UBR3: variants seen among roughly 807,000 people sequenced by gnomAD.
The protein encoded by UBR3 is ubiquitin protein ligase E3 component n-recognin 3.
UBR3 carries 85 observed loss-of-function variants against 243.2 expected under a neutral mutation model. That is an observed-to-expected ratio of 0.35 (90% CI 0.29 to 0.42). The LOEUF is 0.42. Ranked by LOEUF, UBR3 falls within the 10% of genes least tolerant of loss-of-function variation. The probability of loss-of-function intolerance (pLI) is 1.00; values close to 1 mark genes in which losing one functional copy is unlikely to be tolerated. For synonymous variants in UBR3, 748 were observed against 799.8 expected (o/e 0.94, Z 1.09); for missense variants, 1,686 against 2,300.8 (o/e 0.73, Z 5.47).
rs777331989 is a variant in UBR3, at chr2:169,947,554, G to A, written c.2923G>A (p.Gly975Arg). The A allele has an allele frequency of 1.1e-5, 16 of 1,491,684 alleles. No individual in the cohort carries two copies. In the Admixed American group the frequency reaches 2.2e-4, roughly 21 times the overall value. The allele number at this position is 1,491,684 out of a possible 1,614,324, so 92.4% of individuals were successfully genotyped here. ...TTTTTTATTTTAGGCATCAGTGGGT[G>A]GACCAGAACGTTGTCATGACAGTTG... ...EESDEEASVG[G>R]PERCHDSWFP... The change falls in exon 22 of 39, where the codon GGA becomes AGA. Residue 975 changes from glycine (G) to arginine (R), a missense_variant. Coordinates refer to ENST00000272793, the MANE Select transcript of UBR3 (RefSeq NM_172070.4).
chr2:170,077,536 A>G (rs1574488583), intron 36 of UBR3: 3 of 770,660 alleles, frequency 3.9e-6, no homozygotes, highest in Non-Finnish European at 6.3e-6. Context: ...GCCATCTCCA[A>G]CAAAGCAGAC....
chr2:169,864,836 GGCGGA>G (rs1266970073), intron 1 of UBR3, among the ~76,000 whole-genome samples: 1 of 151,584 alleles, frequency 6.6e-6, no homozygotes, highest in Admixed American at 6.6e-5. Flanking sequence ...GAACCTGGGA[GGCGGA>G]GCTTGCAGTG....
intron 5 of UBR3, among the ~76,000 whole-genome samples, chr2:169,885,297 T>G (rs1206583037): frequency 2.6e-5 from 4 of 152,128 alleles, no homozygotes; most frequent in Non-Finnish European, 5.9e-5. Context: ...TAAAAGATAT[T>G]TTGGCTGGGC....
rs16857412 is a variant in UBR3, at chr2:170,008,050, G to A, written c.4231-754G>A. Among the ~76,000 whole-genome samples the A allele has an allele frequency of 6.4e-3, 974 of 152,110 alleles. 11 individuals carry two copies. The highest frequency in any genetic ancestry group is 0.022 in the African/African-American group (911 of 41,468). ...GTATTTACTGTGTGTATGTGTATTCGAGAGATAAAATATTGTGTAATTGAT... is the reference window on the plus strand; with the variant it reads ...GTATTTACTGTGTGTATGTGTATTCAAGAGATAAAATATTGTGTAATTGAT... On this transcript the variant is annotated intron_variant, in intron 28 of 38. Coordinates refer to ENST00000272793, the MANE Select transcript of UBR3 (RefSeq NM_172070.4).
chr2:170,027,298 A>T (rs530320262), intron 30 of UBR3, among the ~76,000 whole-genome samples: 25 of 151,434 alleles, frequency 1.7e-4, no homozygotes, highest in African/African-American at 5.3e-4. Context: ...AAGATGATAT[A>T]ATATCATTTA....
At chr2:169,973,339 C>A (rs1358049591) in intron 24 of UBR3, among the ~76,000 whole-genome samples, 1 of 144,104 alleles carries the variant, frequency 6.9e-6, no homozygotes, top group Non-Finnish European at 1.5e-5. Flanking sequence ...GGCCATACTG[C>A]CCAAGGCAAT....
At chr2:169,958,981 G>T (rs2087440407) in intron 24 of UBR3, among the ~76,000 whole-genome samples, 1 of 152,114 alleles carries the variant, frequency 6.6e-6, no homozygotes, top group African/African-American at 2.4e-5. Context: ...AGTGAGAGAG[G>T]ATACCATGTT....
intron 1 of UBR3, among the ~76,000 whole-genome samples, chr2:169,836,068 T>TATATATA (rs1558999189): frequency 3.4e-4 from 10 of 29,716 alleles, no homozygotes; most frequent in South Asian, 1.1e-3. Context: ...TATATATATA[T>TATATATA]TTTTTTTTTT....
intron 29 of UBR3, among the ~76,000 whole-genome samples, chr2:170,009,728 A>G (rs981360323): frequency 6.6e-6 from 1 of 152,156 alleles, no homozygotes. Flanking sequence ...GTAATAGGTA[A>G]GATTTAGAGA....
intron 23 of UBR3, 99 bp from the exon 24 acceptor site, chr2:169,958,339 T>G: frequency 1.0e-6 from 1 of 961,834 alleles, no homozygotes. Flanking sequence ...TGTTCTCACC[T>G]GTGTGCCAGG....
chr2:169,950,452 T>G (rs1015142989), intron 23 of UBR3, among the ~76,000 whole-genome samples: 3 of 152,130 alleles, frequency 2.0e-5, no homozygotes, highest in Non-Finnish European at 4.4e-5. Flanking sequence ...TTAGTTTCTT[T>G]TGGTCTTTTC....
chr2:169,939,577 CT>C (rs1032835514), intron 19 of UBR3, among the ~76,000 whole-genome samples: 1 of 136,592 alleles, frequency 7.3e-6, no homozygotes, highest in Non-Finnish European at 1.6e-5. Context: ...TTTTTTTTTC[CT>C]TTTTTGAGAC....
At chr2:169,901,435 T>C (rs1234097424) in intron 8 of UBR3, among the ~76,000 whole-genome samples, 1 of 152,164 alleles carries the variant, frequency 6.6e-6, no homozygotes. Flanking sequence ...TCATGATATA[T>C]ATTTACTGCT....
chr2:170,008,810 A>G lies in UBR3; in HGVS notation c.4237A>G (p.Thr1413Ala). 1 of 1,351,264 alleles carries G rather than the reference A, an allele frequency of 7.4e-7. No individual in the cohort carries two copies. The highest frequency in any genetic ancestry group is 1.0e-6 in the Non-Finnish European group (1 of 969,720). The allele number at this position is 1,351,264 out of a possible 1,614,324, so 83.7% of individuals were successfully genotyped here. The change falls in exon 29 of 39, where the codon ACA (threonine) becomes GCA (alanine). Residue 1413 changes from threonine to alanine, a missense_variant. This residue lies in a region of UBR3 where 371 missense variants were observed against 422.5 expected (regional missense o/e 0.88). Transcript: ENST00000272793. ...QGRPGAFPSETNLSKEMESVM... is the reference protein window; with the variant it reads ...QGRPGAFPSEANLSKEMESVM... Reference sequence around the variant, plus strand: ...TGTTTGCATTTTTTTATAGTCAGAAACAAATTTAAGTAAAGAAATGGAATC... The same window carrying G: ...TGTTTGCATTTTTTTATAGTCAGAAGCAAATTTAAGTAAAGAAATGGAATC...
chr2:170,061,119 G>C lies in UBR3; in HGVS notation c.4826G>C (p.Ser1609Thr). The C allele has an allele frequency of 6.3e-7, 1 of 1,599,504 alleles. No individual in the cohort carries two copies. Among genetic ancestry groups the C allele is most frequent in the Non-Finnish European group, 8.5e-7 (1 of 1,176,088 alleles). ...GAAAAGTCTTACGAAGTATTACTGA[G>C]CTTTGTGATAAGTGAACTATTTAAA... is the stretch of plus-strand genomic sequence containing the variant. ...DAEKSYEVLL[S>T]FVISELFKGK... The change falls in exon 34 of 39, where the codon AGC becomes ACC. Residue 1609 changes from serine to threonine, a missense_variant. This residue lies in a region of UBR3 where 371 missense variants were observed against 422.5 expected (regional missense o/e 0.88). Coordinates refer to ENST00000272793, the MANE Select transcript of UBR3 (RefSeq NM_172070.4).
intron 1 of UBR3, 58 bp downstream of exon 1, chr2:169,828,110 G>A: frequency 7.5e-7 from 1 of 1,341,738 alleles, no homozygotes; most frequent in Non-Finnish European, 9.6e-7. Context: ...TCGCGGGAGG[G>A]CCTGGAGCGG....
intron 33 of UBR3, 27 bp from the exon 34 acceptor site, chr2:170,061,052 G>T: frequency 4.9e-6 from 7 of 1,436,982 alleles, no homozygotes; most frequent in Non-Finnish European, 6.5e-6. Flanking sequence ...TCAGTGACCA[G>T]TGTAACCAAT....
At position 169,954,165 on chromosome 2, in the gene UBR3, T is replaced by TTTGTCTTGTCTTGTCTTGTCTTGTC. The variant is rs77961475; in HGVS notation, c.3545+4138_3545+4162dup. On this transcript the variant is annotated intron_variant, in intron 23 of 38. Transcript: ENST00000272793. The stretch of plus-strand genomic sequence containing the variant: ...TGATAGTTGTCCCAATAATGTTTGA[T>TTTGTCTTGTCTTGTCTTGTCTTGTC]TTGTCTTGTCTTGTCTTGTCTTGTC... Among the ~76,000 whole-genome samples the TTTGTCTTGTCTTGTCTTGTCTTGTC allele has an allele frequency of 9.3e-4, 131 of 140,856 alleles. 1 individual carries two copies. The highest frequency in any genetic ancestry group is 2.8e-3 in the African/African-American group (102 of 36,206). 92.4% of individuals were successfully genotyped at this position (140,856 alleles called of 152,430 possible).
intron 1 of UBR3, among the ~76,000 whole-genome samples, chr2:169,845,937 A>G (rs183742321): frequency 4.6e-5 from 7 of 152,196 alleles, no homozygotes; most frequent in African/African-American, 1.7e-4. Context: ...ATATGATGTC[A>G]ATTTATTTAA....
Sources: gnomAD v4.1 joint callset for allele counts (sites outside exome capture counted in the v4.1 genomes callset) on GRCh38, gnomAD v4.1.1 for gene constraint, gnomAD v4.1.1 regional missense constraint, MANE v1.5 for transcripts, NCBI Gene and HGNC (gene_info 2026-07-23, HGNC 2026-07-21) for gene names.